Variants in CDH4 observed in about 807,000 individuals in gnomAD.
CDH4 encodes the protein cadherin-4.
A neutral mutation model predicts 86.0 loss-of-function variants in CDH4; 33 were observed. That is an observed-to-expected ratio of 0.38 (90% CI 0.29 to 0.51). CDH4 has a LOEUF of 0.51. CDH4 is among the 20% of genes least tolerant of loss of function. CDH4 has a pLI of 0.86. For synonymous variants in CDH4, 555 were observed against 549.4 expected, an observed-to-expected ratio of 1.01 and a Z score of -0.14; for missense variants, 1,114 against 1,307.4, an observed-to-expected ratio of 0.85 and a Z score of 2.28.
rs563288119 is a variant in CDH4 at position 61,298,122 on chromosome 20, GGAGT to G, written c.169+43186_169+43189del. On this transcript the variant is annotated intron_variant, in intron 2 of 15. Coordinates refer to ENST00000614565, the MANE Select transcript of CDH4 (RefSeq NM_001794.5). The stretch of plus-strand genomic sequence containing the variant: ...TTGGGGCAGCCTGTTACTGGTGCTT[GGAGT>G]AAGTGAAGAGTGCGATTGGGCGCCA... 1.6e-3 allele frequency among the ~76,000 whole-genome samples: 240 copies of G among 152,288 alleles called. 1 individual carries two copies. Among genetic ancestry groups the G allele is most frequent in the African/African-American group, 5.7e-3 (237 of 41,576 alleles).
At chr20:61,601,626 T>A (rs1280794996) in intron 2 of CDH4, among the ~76,000 whole-genome samples, 2 of 152,174 alleles carry the variant, frequency 1.3e-5, no homozygotes, top group Non-Finnish European at 2.9e-5. Context: ...TCTCCCACAA[T>A]GCTGCAGAGT....
At chr20:61,534,329 G>C (rs928955222) in intron 2 of CDH4, among the ~76,000 whole-genome samples, 2 of 152,192 alleles carry the variant, frequency 1.3e-5, no homozygotes, top group Non-Finnish European at 2.9e-5. Flanking sequence ...GGGCAGGAAC[G>C]ACCACACGGG....
intron 2 of CDH4, among the ~76,000 whole-genome samples, chr20:61,385,879 AC>A (rs1256711946): frequency 6.6e-6 from 1 of 152,166 alleles, no homozygotes; most frequent in African/African-American, 2.4e-5. Context: ...TGATCTCTGC[AC>A]TTGGCATTTG....
chr20:61,860,974 C>T (rs537779652), intron 6 of CDH4, among the ~76,000 whole-genome samples: 62 of 152,290 alleles, frequency 4.1e-4, no homozygotes, highest in African/African-American at 1.4e-3. Flanking sequence ...CCCCAGGGTG[C>T]CTTTGGGTCT....
chr20:61,857,682 C>A (rs1250782751), intron 6 of CDH4, among the ~76,000 whole-genome samples: 3 of 152,258 alleles, frequency 2.0e-5, no homozygotes, highest in Non-Finnish European at 4.4e-5. Context: ...CTCAAAAAAT[C>A]TTTTTATTTT....
In CDH4 at chr20:61,810,920, G is replaced by A. The variant is rs1350475332; in HGVS notation, c.577-33748G>A. 2.6e-5 allele frequency among the ~76,000 whole-genome samples: 4 copies of A among 152,186 alleles called. No homozygotes were observed. The South Asian group carries it at 8.3e-4, about 32-fold the overall frequency. ...CGCTCCAGGAAGCTTCGAGACGGGG[G>A]CTGCAGGAGCCTGCAGAGCCTGCGT... On this transcript the variant is annotated intron_variant, in intron 4 of 15. Coordinates refer to ENST00000614565, the MANE Select transcript of CDH4 (RefSeq NM_001794.5). The surrounding 1 kb of genome is among the most constrained non-coding windows in gnomAD (Gnocchi z 4.3).
intron 2 of CDH4, among the ~76,000 whole-genome samples, chr20:61,420,864 C>A (rs2085173985): frequency 6.6e-6 from 1 of 152,198 alleles, no homozygotes; most frequent in African/African-American, 2.4e-5. Context: ...TGTCCACGCA[C>A]AGTGCACTGG....
At chr20:61,917,345 G>C (rs556093843) in intron 9 of CDH4, among the ~76,000 whole-genome samples, 1 of 152,204 alleles carries the variant, frequency 6.6e-6, no homozygotes, top group Non-Finnish European at 1.5e-5. Flanking sequence ...ATCTTATCTT[G>C]AAGGAGCAAG....
chr20:61,253,800 G>C (rs973225186), intron 1 of CDH4, among the ~76,000 whole-genome samples: 35 of 152,212 alleles, frequency 2.3e-4, no homozygotes, highest in South Asian at 8.3e-4. Flanking sequence ...GCGGCCTCCG[G>C]AGTCGAAGCA....
intron 4 of CDH4, among the ~76,000 whole-genome samples, chr20:61,795,359 G>A (rs921416288): frequency 4.4e-4 from 67 of 151,924 alleles, no homozygotes; most frequent in African/African-American, 1.6e-3. Flanking sequence ...TTGCTCTCCT[G>A]TGTACCAGGG....
At chr20:61,738,224 A>T (rs547208825) in intron 2 of CDH4, 32 of 152,272 alleles carry the variant, frequency 2.1e-4, no homozygotes, top group African/African-American at 7.2e-4. Flanking sequence ...GTTAGATTTA[A>T]TTTCTCTCTG....
In CDH4 at chr20:61,496,631, G is replaced by A. The variant is rs184568786; in HGVS notation, c.169+241694G>A. ...AGAAAAAGCCATCCATTTTAGGCAC[G>A]CATTCCCTCAGCTTTGACAAATGCT... On this transcript the variant is annotated intron_variant, in intron 2 of 15. Transcript: ENST00000614565. Among the ~76,000 whole-genome samples, 14 of 152,306 alleles carry A rather than the reference G, an allele frequency of 9.2e-5. No individual in the cohort carries two copies. The East Asian group carries it at 1.5e-3, about 17-fold the overall frequency.
At chr20:61,550,938 T>G (rs1217202599) in intron 2 of CDH4, among the ~76,000 whole-genome samples, 1 of 152,212 alleles carries the variant, frequency 6.6e-6, no homozygotes, top group Non-Finnish European at 1.5e-5. Flanking sequence ...TTGCAGCTGA[T>G]GGGGAGAGTG....
chr20:61,930,437 G>T (rs776809600), intron 13 of CDH4, among the ~76,000 whole-genome samples: 1 of 152,142 alleles, frequency 6.6e-6, no homozygotes, highest in Non-Finnish European at 1.5e-5. Context: ...GACCCCAGAG[G>T]TCCCTCTTCC....
chr20:61,587,840 C>T (rs933916230), intron 2 of CDH4, among the ~76,000 whole-genome samples: 2 of 152,150 alleles, frequency 1.3e-5, no homozygotes, highest in Admixed American at 6.5e-5. Context: ...GACTTCTCAT[C>T]ACTGAAAACT....
At chr20:61,704,484 G>C (rs1198255126) in intron 2 of CDH4, among the ~76,000 whole-genome samples, 3 of 152,168 alleles carry the variant, frequency 2.0e-5, no homozygotes, top group Non-Finnish European at 4.4e-5. Flanking sequence ...GGCCTGGCTG[G>C]CGCCGCCTTC....
intron 2 of CDH4, among the ~76,000 whole-genome samples, chr20:61,645,059 C>G (rs1353342424): frequency 6.6e-6 from 1 of 152,240 alleles, no homozygotes; most frequent in Admixed American, 6.5e-5. Flanking sequence ...AAAGGCCCCA[C>G]TCTATTGCCT....
intron 2 of CDH4, among the ~76,000 whole-genome samples, chr20:61,727,086 C>T (rs1219664906): frequency 2.0e-5 from 3 of 152,110 alleles, no homozygotes; most frequent in Non-Finnish European, 4.4e-5. Context: ...TTGCTGCCAT[C>T]ATCATCACCA....
intron 2 of CDH4, among the ~76,000 whole-genome samples, chr20:61,380,927 A>T (rs1226938288): frequency 6.6e-6 from 1 of 152,226 alleles, no homozygotes; most frequent in Non-Finnish European, 1.5e-5. Flanking sequence ...ATGTGGGAAA[A>T]TTTAGATGAC....
Sources: gnomAD v4.1 joint callset for allele counts (sites outside exome capture counted in the v4.1 genomes callset) on GRCh38, gnomAD v4.1.1 for gene constraint, Gnocchi (gnomAD v3.1) non-coding constraint, MANE v1.5 for transcripts, NCBI Gene and HGNC (gene_info 2026-07-23, HGNC 2026-07-21) for gene names.